The following THSD4 variants were observed in gnomAD, a reference collection of about 807,000 sequenced individuals.
THSD4 encodes the protein thrombospondin type 1 domain containing 4.
THSD4 carries 69 observed loss-of-function variants against 119.0 expected under a neutral mutation model. The ratio of observed to expected loss-of-function variants is 0.58; its 90% confidence interval spans 0.48 to 0.71. The LOEUF (loss-of-function observed/expected upper bound fraction) is 0.71, where lower values mean the gene tolerates loss of function less well. Among genes scored for constraint, THSD4 ranks in the 30% least tolerant of loss-of-function variants. The pLI is 0.00. For missense variants in THSD4, 1,393 were observed against 1,391.1 expected, an observed-to-expected ratio of 1.00 and a Z score of -0.02; for synonymous variants, 524 against 540.4, an observed-to-expected ratio of 0.97 and a Z score of 0.42.
intron 6 of THSD4, among the ~76,000 whole-genome samples, chr15:71,407,667 G>C (rs1430223342): frequency 6.6e-6 from 1 of 151,302 alleles, no homozygotes; most frequent in Non-Finnish European, 1.5e-5. Flanking sequence ...CCTAAATTTA[G>C]AGTACCTATA....
chr15:71,377,900 A>ACCCACACC (rs1468912646), intron 6 of THSD4, among the ~76,000 whole-genome samples: 2 of 119,938 alleles, frequency 1.7e-5, no homozygotes, highest in African/African-American at 7.1e-5. Context: ...ACACACACAC[A>ACCCACACC]CACACACACA....
intron 6 of THSD4, among the ~76,000 whole-genome samples, chr15:71,333,768 C>T (rs1456039832): frequency 6.6e-6 from 1 of 152,160 alleles, no homozygotes; most frequent in African/African-American, 2.4e-5. Flanking sequence ...ATCAAACACC[C>T]AATGTTTAAG....
intron 15 of THSD4, among the ~76,000 whole-genome samples, chr15:71,761,916 AGCTGATCACTCATT>A (rs2053633068): frequency 6.6e-6 from 1 of 152,164 alleles, no homozygotes; most frequent in Non-Finnish European, 1.5e-5. Flanking sequence ...CCAGTAACTC[AGCTGATCACTCATT>A]GTCCTGAGGC....
At chr15:71,278,683 G>A (rs751626170) in intron 6 of THSD4, among the ~76,000 whole-genome samples, 3 of 152,126 alleles carry the variant, frequency 2.0e-5, no homozygotes, top group African/African-American at 4.8e-5. Flanking sequence ...GAGTTTGTTC[G>A]ATTGTGCCAG....
rs34739176 is a variant in THSD4, at chr15:71,667,257, G to GA, written c.1357+6531dup. On this transcript the variant is annotated intron_variant, in intron 8 of 17. Transcript: ENST00000261862. ...ATTATTCTGAACTCTGCCATTTGGG[G>GA]AAAAAAAAGTTTATTTAAATGATTG... is the stretch of plus-strand genomic sequence containing the variant. Among the ~76,000 whole-genome samples, 33 of 151,914 alleles carry GA rather than the reference G, an allele frequency of 2.2e-4. 1 individual carries two copies. The South Asian group carries it at 5.6e-3, about 26-fold the overall frequency.
intron 7 of THSD4, among the ~76,000 whole-genome samples, chr15:71,424,029 C>A (rs112771909): frequency 5.9e-5 from 9 of 152,270 alleles, no homozygotes; most frequent in African/African-American, 2.2e-4. Flanking sequence ...CTCTCTGCAC[C>A]CCATGGCTGC....
intron 7 of THSD4, among the ~76,000 whole-genome samples, chr15:71,435,409 C>T (rs2046999474): frequency 6.6e-6 from 1 of 152,112 alleles, no homozygotes; most frequent in South Asian, 2.1e-4. Context: ...TTTAGGCTAT[C>T]TTTCTTTTGT....
At chr15:71,503,448 C>T (rs542550065) in intron 7 of THSD4, among the ~76,000 whole-genome samples, 7 of 152,294 alleles carry the variant, frequency 4.6e-5, no homozygotes, top group African/African-American at 1.2e-4. Flanking sequence ...CAGCACCCCA[C>T]GCCCAAAGCC....
At chr15:71,416,050 G>A (rs1046918362) in intron 7 of THSD4, among the ~76,000 whole-genome samples, 5 of 152,176 alleles carry the variant, frequency 3.3e-5, no homozygotes, top group Non-Finnish European at 7.3e-5. Flanking sequence ...AGCTGCCTTG[G>A]CCTCCCAAAG....
intron 7 of THSD4, among the ~76,000 whole-genome samples, chr15:71,592,866 T>G (rs2049833751): frequency 6.6e-6 from 1 of 152,104 alleles, no homozygotes; most frequent in Non-Finnish European, 1.5e-5. Flanking sequence ...GAGCTGACTG[T>G]CCTGCCTGCC....
At chr15:71,726,352 G>T (rs945054593) in intron 8 of THSD4, among the ~76,000 whole-genome samples, 1 of 152,140 alleles carries the variant, frequency 6.6e-6, no homozygotes, top group Admixed American at 6.5e-5. Context: ...AAGGCCCATT[G>T]TAGGAACGCG....
At chr15:71,748,071 C>T (rs888691343) in intron 13 of THSD4, among the ~76,000 whole-genome samples, 3 of 152,160 alleles carry the variant, frequency 2.0e-5, no homozygotes, top group African/African-American at 7.2e-5. Flanking sequence ...GTCTAGACTG[C>T]AAAACGGAGG....
chr15:71,145,171 T>A (rs955148413), intron 2 of THSD4, among the ~76,000 whole-genome samples: 2 of 152,198 alleles, frequency 1.3e-5, no homozygotes, highest in African/African-American at 2.4e-5. Context: ...ACCAGGTGCT[T>A]CTTCCTTTAC....
chr15:71,439,249 T>C (rs1167523608), intron 7 of THSD4, among the ~76,000 whole-genome samples: 1 of 152,240 alleles, frequency 6.6e-6, no homozygotes, highest in Non-Finnish European at 1.5e-5. Context: ...ATAGCAATTT[T>C]TTAAAGTTTA....
chr15:71,199,387 C>T (rs930546498), intron 3 of THSD4, among the ~76,000 whole-genome samples: 3 of 150,668 alleles, frequency 2.0e-5, no homozygotes, highest in Admixed American at 6.6e-5. Context: ...CCTGGCTTAT[C>T]GTAGAGTAGG....
intron 6 of THSD4, among the ~76,000 whole-genome samples, chr15:71,287,633 C>T (rs142664850): frequency 6.6e-6 from 1 of 152,148 alleles, no homozygotes; most frequent in Admixed American, 6.5e-5. Context: ...TTAAAAATAG[C>T]CTTTTGTGAG....
chr15:71,764,347 A>G (rs1299644681), intron 15 of THSD4, among the ~76,000 whole-genome samples: 1 of 152,278 alleles, frequency 6.6e-6, no homozygotes, highest in Non-Finnish European at 1.5e-5. Context: ...AGTTGTATGC[A>G]TTTTATTTCC....
At position 71,445,159 on chromosome 15, in the gene THSD4, G is replaced by T. The variant is rs11856449; in HGVS notation, c.1152+33336G>T. Reference sequence around the variant, plus strand: ...GTTCACCTGGCAAGACACAGCTTCGGTGTCATTTCTTCTATAGTGCTGTTA... The same window carrying T: ...GTTCACCTGGCAAGACACAGCTTCGTTGTCATTTCTTCTATAGTGCTGTTA... On this transcript the variant is annotated intron_variant, in intron 7 of 17. Coordinates refer to ENST00000261862, the MANE Select transcript of THSD4 (RefSeq NM_024817.3). Among the ~76,000 whole-genome samples the T allele has an allele frequency of 9.8e-3, 1,487 of 152,228 alleles. 33 individuals carry two copies. Among genetic ancestry groups the T allele is most frequent in the African/African-American group, 0.034 (1,411 of 41,524 alleles).
chr15:71,678,698 A>T (rs887678776), intron 8 of THSD4, among the ~76,000 whole-genome samples: 1 of 152,212 alleles, frequency 6.6e-6, no homozygotes, highest in African/African-American at 2.4e-5. Flanking sequence ...CAGCTTTAAG[A>T]ATAACTTTTG....
Sources: allele counts gnomAD v4.1 joint callset (sites outside exome capture counted in the v4.1 genomes callset), GRCh38; gene constraint gnomAD v4.1.1; transcripts MANE v1.5; gene names NCBI Gene and HGNC (gene_info 2026-07-23, HGNC 2026-07-21).